The following ZNF462 variants were observed in gnomAD, a reference collection of about 807,000 sequenced individuals.
The protein encoded by ZNF462 is zinc finger protein 462.
A neutral mutation model predicts 201.9 loss-of-function variants in ZNF462; 10 were observed. The observed-to-expected ratio is 0.05, with a 90% CI of 0.03 to 0.08. The LOEUF (loss-of-function observed/expected upper bound fraction) is 0.08. Ranked by LOEUF, ZNF462 falls within the 10% of genes least tolerant of loss-of-function variation. ZNF462 has a pLI of 1.00. For missense variants in ZNF462, 2,523 were observed against 3,168.3 expected (o/e 0.80, Z 4.89); for synonymous variants, 1,227 against 1,193.3 (o/e 1.03, Z -0.58).
At position 106,927,555 on chromosome 9, in the gene ZNF462, A is replaced by C. The variant is rs1361308049; in HGVS notation, c.3643A>C (p.Lys1215Gln). 2 of 1,613,842 alleles carry C rather than the reference A, an allele frequency of 1.2e-6. No homozygotes were observed. Among genetic ancestry groups the C allele is most frequent in the Non-Finnish European group, 1.7e-6 (2 of 1,179,904 alleles). ...AGGGGTACTCATTCATTATCAGAAG[A>C]AGCACCGAGACTTCAAGGCCAATGC... ...VKGVLIHYQK[K>Q]HRDFKANADV... The change falls in exon 3 of 13, where the codon AAG becomes CAG. Residue 1215 changes from lysine (K) to glutamine (Q), a missense_variant. By Grantham distance (53) the Lys-to-Gln change is moderately conservative. Coordinates refer to ENST00000277225, the MANE Select transcript of ZNF462 (RefSeq NM_021224.6).
chr9:106,998,194 A>G (rs1828885492), intron 10 of ZNF462, among the ~76,000 whole-genome samples: 1 of 152,144 alleles, frequency 6.6e-6, no homozygotes, highest in African/African-American at 2.4e-5. Flanking sequence ...TTGAAGCTAC[A>G]AATGTTAAGT....
In ZNF462 at chr9:107,009,873, G is replaced by A. The variant is rs1273117111; in HGVS notation, c.7313+205G>A. On this transcript the variant is annotated intron_variant, in intron 12 of 12. Coordinates refer to ENST00000277225, the MANE Select transcript of ZNF462 (RefSeq NM_021224.6). The surrounding 1 kb of genome is among the most constrained non-coding windows in gnomAD (Gnocchi z 6.1). ...GTCACCCAGCCGCAAGTCAAATAGG[G>A]AAAAAAATCGTCTTTATGAATGATC... Among the ~76,000 whole-genome samples the A allele has an allele frequency of 3.3e-5, 5 of 152,000 alleles. No individual in the cohort carries two copies. The highest frequency in any genetic ancestry group is 1.2e-4 in the African/African-American group (5 of 41,394).
intron 10 of ZNF462, among the ~76,000 whole-genome samples, chr9:106,997,899 A>T (rs1828865031): frequency 6.6e-6 from 1 of 152,112 alleles, no homozygotes. Context: ...GAAATATGAA[A>T]TTCAGATTTC....
At chr9:106,987,742 C>T (rs537596990) in intron 10 of ZNF462, among the ~76,000 whole-genome samples, 46 of 152,240 alleles carry the variant, frequency 3.0e-4, no homozygotes, top group African/African-American at 1.1e-3. Flanking sequence ...TTGCCTAAGC[C>T]AGTGTCTAGA....
At chr9:106,941,630 C>T (rs1830874295) in intron 7 of ZNF462, among the ~76,000 whole-genome samples, 1 of 152,100 alleles carries the variant, frequency 6.6e-6, no homozygotes, top group African/African-American at 2.4e-5. Context: ...ATATAAATGA[C>T]CTATATCAAT....
At position 106,870,930 on chromosome 9, in the gene ZNF462, A is replaced by G. The variant is rs1418672671; in HGVS notation, c.-31+7575A>G. Among the ~76,000 whole-genome samples the G allele has an allele frequency of 6.6e-6, 1 of 152,158 alleles. No individual in the cohort carries two copies. The highest frequency in any genetic ancestry group is 1.5e-5 in the Non-Finnish European group (1 of 68,038). On this transcript the variant is annotated intron_variant, in intron 1 of 12. Coordinates refer to ENST00000277225, the MANE Select transcript of ZNF462 (RefSeq NM_021224.6). The surrounding 1 kb of genome is among the most constrained non-coding windows in gnomAD (Gnocchi z 4.3). ...CTTCTTTTTCCTGTTCAGATTTAAG[A>G]AGGTAATGCCATTATTCTTCAGTTT...
At chr9:106,873,957 C>T (rs549291311) in intron 1 of ZNF462, among the ~76,000 whole-genome samples, 1 of 152,142 alleles carries the variant, frequency 6.6e-6, no homozygotes, top group African/African-American at 2.4e-5. Flanking sequence ...CCAGACAGAC[C>T]CATAATCAAA....
At chr9:106,914,040 T>C (rs1446995258) in intron 1 of ZNF462, among the ~76,000 whole-genome samples, 1 of 149,934 alleles carries the variant, frequency 6.7e-6, no homozygotes, top group Non-Finnish European at 1.5e-5. Context: ...TTTTTTTTTT[T>C]TCTGAAGAGA....
chr9:106,930,785 G>A lies in ZNF462; in HGVS notation c.6012+96G>A. ...AAGCAGCTCAGGAAAGAGCATCTCA[G>A]AATGCGGGCATTCCTGAATTATGCT... On this transcript the variant is annotated intron_variant, in intron 4 of 12. Coordinates refer to ENST00000277225, the MANE Select transcript of ZNF462 (RefSeq NM_021224.6). This position sits in a 1 kb window ranked among gnomAD's most constrained non-coding sequence, Gnocchi z 5.8. 3.5e-6 allele frequency: 5 copies of A among 1,434,436 alleles called. No individual in the cohort carries two copies. The highest frequency in any genetic ancestry group is 3.8e-6 in the Non-Finnish European group (4 of 1,050,078). 88.9% of individuals were successfully genotyped at this position (1,434,436 alleles called of 1,614,324 possible).
intron 1 of ZNF462, among the ~76,000 whole-genome samples, chr9:106,864,069 TC>T: frequency 8.2e-6 from 1 of 121,840 alleles, no homozygotes; most frequent in South Asian, 3.1e-4. Flanking sequence ...TCTCTCTCTC[TC>T]TCTCTCTCTC....
intron 1 of ZNF462, among the ~76,000 whole-genome samples, chr9:106,898,291 T>C (rs1309395001): frequency 6.6e-6 from 1 of 152,056 alleles, no homozygotes; most frequent in Non-Finnish European, 1.5e-5. Flanking sequence ...AAGTGGATGG[T>C]GCTGTGTGAA....
chr9:106,894,756 T>C (rs1444910577), intron 1 of ZNF462, among the ~76,000 whole-genome samples: 2 of 152,206 alleles, frequency 1.3e-5, no homozygotes, highest in Non-Finnish European at 2.9e-5. Context: ...GATATGGTGC[T>C]GTAAGTCTAA....
intron 4 of ZNF462, among the ~76,000 whole-genome samples, chr9:106,931,436 A>T (rs532819614): frequency 2.6e-5 from 4 of 152,330 alleles, no homozygotes; most frequent in African/African-American, 7.2e-5. Context: ...CTAAGGGTAC[A>T]CGCGAACATA....
chr9:106,912,023 T>A (rs530199513), intron 1 of ZNF462, among the ~76,000 whole-genome samples: 1 of 152,298 alleles, frequency 6.6e-6, no homozygotes, highest in Non-Finnish European at 1.5e-5. Context: ...TCACTAGATG[T>A]TCCACAAAGA....
At chr9:106,898,900 A>G (rs189190047) in intron 1 of ZNF462, among the ~76,000 whole-genome samples, 1 of 151,972 alleles carries the variant, frequency 6.6e-6, no homozygotes, top group East Asian at 1.9e-4. Flanking sequence ...AGTAAGGAAC[A>G]TGAAAGCAGT....
At chr9:106,911,934 A>G (rs1829565434) in intron 1 of ZNF462, among the ~76,000 whole-genome samples, 1 of 152,186 alleles carries the variant, frequency 6.6e-6, no homozygotes, top group African/African-American at 2.4e-5. Context: ...AAATATTCCA[A>G]GTTGGTTTCA....
At chr9:106,973,276 G>C (rs558818143) in intron 8 of ZNF462, among the ~76,000 whole-genome samples, 5 of 151,818 alleles carry the variant, frequency 3.3e-5, no homozygotes, top group Non-Finnish European at 5.9e-5. Flanking sequence ...GCTTCACACC[G>C]AGAGGCTGTG....
intron 7 of ZNF462, 39 bp downstream of exon 7, chr9:106,939,146 G>T: frequency 6.7e-7 from 1 of 1,489,644 alleles, no homozygotes; most frequent in Non-Finnish European, 9.0e-7. Context: ...ACCACTCAGG[G>T]TTGAGGTGGG....
intron 10 of ZNF462, among the ~76,000 whole-genome samples, chr9:106,988,644 A>G (rs1828031450): frequency 6.6e-6 from 1 of 152,134 alleles, no homozygotes; most frequent in South Asian, 2.1e-4. Flanking sequence ...GGTCATTTTC[A>G]CAATGTTGAT....
Sources: allele counts gnomAD v4.1 joint callset (sites outside exome capture counted in the v4.1 genomes callset), GRCh38; gene constraint gnomAD v4.1.1; non-coding constraint Gnocchi (gnomAD v3.1); transcripts MANE v1.5; gene names NCBI Gene and HGNC (gene_info 2026-07-23, HGNC 2026-07-21).